STK3: variants seen among roughly 807,000 people sequenced by gnomAD.
STK3 encodes serine/threonine kinase 3, also known as serine/threonine-protein kinase 3.
STK3 carries 41 observed loss-of-function variants against 58.0 expected under a neutral mutation model. That is an observed-to-expected ratio of 0.71 (90% CI 0.55 to 0.92). STK3 has a LOEUF of 0.92. Ranked by LOEUF, STK3 falls within the 40% of genes least tolerant of loss-of-function variation. The pLI, the probability that STK3 is intolerant of heterozygous loss-of-function variation, is 0.00. For missense variants in STK3, 479 were observed against 602.7 expected (o/e 0.79, Z 2.15); for synonymous variants, 170 against 191.0 (o/e 0.89, Z 0.91).
At chr8:98,366,594 T>C (rs567242017), downstream of STK3, among the ~76,000 whole-genome samples, 1 of 152,368 alleles carries the variant, frequency 6.6e-6, no homozygotes, top group East Asian at 1.9e-4. Flanking sequence ...ACTTATTGAA[T>C]GGTTCAGTTT....
At chr8:98,904,738 G>A in intron 1 of STK3, 2 of 835,632 alleles carry the variant, frequency 2.4e-6, no homozygotes, top group Non-Finnish European at 3.9e-6. Flanking sequence ...CAACTGTGGG[G>A]AGCATGGCTG....
At chr8:98,858,086 A>G (rs994922459) in intron 3 of STK3, among the ~76,000 whole-genome samples, 1 of 151,644 alleles carries the variant, frequency 6.6e-6, no homozygotes, top group South Asian at 2.1e-4. Context: ...AATGAATTTT[A>G]AAAATATAAG....
intron 7 of STK3, among the ~76,000 whole-genome samples, chr8:98,586,497 G>C (rs1440135528): frequency 4.0e-5 from 6 of 149,648 alleles, no homozygotes. Flanking sequence ...GATTCGGTTT[G>C]CCAGTATTTT....
At chr8:98,404,252 G>A (rs4734404) in intron 3 of STK3, among the ~76,000 whole-genome samples, 21,895 of 152,154 alleles carry the variant, frequency 0.14, 2,644 homozygotes, top group East Asian at 0.41. Flanking sequence ...AAAGTTGACC[G>A]TGGGGCAGGT....
At chr8:98,585,119 T>A (rs1439761414) in intron 7 of STK3, among the ~76,000 whole-genome samples, 1 of 151,712 alleles carries the variant, frequency 6.6e-6, no homozygotes, top group Admixed American at 6.6e-5. Flanking sequence ...ATTTGTCAAT[T>A]TTGGCTTTTG....
chr8:98,837,788 T>C (rs1045031057), intron 3 of STK3, among the ~76,000 whole-genome samples: 7 of 152,066 alleles, frequency 4.6e-5, no homozygotes, highest in African/African-American at 1.7e-4. Flanking sequence ...AAAAGTCAAC[T>C]GGGCATGGTG....
chr8:98,883,514 GT>G, downstream of STK3: 2 of 582,412 alleles, frequency 3.4e-6, no homozygotes, highest in South Asian at 4.4e-5. Flanking sequence ...GAAGTCCTTT[GT>G]TTCCAAGTAA....
intron 2 of STK3, among the ~76,000 whole-genome samples, chr8:98,770,858 A>G (rs1438742799): frequency 6.6e-6 from 1 of 152,202 alleles, no homozygotes; most frequent in East Asian, 1.9e-4. Context: ...ATAATGAGTA[A>G]CAAAGCAAGG....
At chr8:98,432,263 G>C (rs1477564085) in intron 3 of STK3, 1 of 167,022 alleles carries the variant, frequency 6.0e-6, no homozygotes, top group Non-Finnish European at 1.5e-5. Flanking sequence ...TAGGGGGACA[G>C]AGTAGAAACT....
intron 2 of STK3, among the ~76,000 whole-genome samples, chr8:98,377,253 G>A (rs528572094): frequency 9.2e-5 from 14 of 152,080 alleles, no homozygotes; most frequent in Non-Finnish European, 1.8e-4. Flanking sequence ...CATCAACATT[G>A]CTATTTGTTA....
intron 8 of STK3, among the ~76,000 whole-genome samples, chr8:98,566,625 C>A (rs1812504515): frequency 6.6e-6 from 1 of 152,146 alleles, no homozygotes; most frequent in Non-Finnish European, 1.5e-5. Flanking sequence ...TTTCAATGGT[C>A]CAATGCTAAA....
intron 10 of STK3, among the ~76,000 whole-genome samples, chr8:98,517,402 C>T (rs1825014980): frequency 6.6e-6 from 1 of 152,000 alleles, no homozygotes; most frequent in Non-Finnish European, 1.5e-5. Flanking sequence ...GAAAAGGCTA[C>T]CAACCTAATG....
chr8:98,393,386 G>A (rs1387201473), intron 3 of STK3, among the ~76,000 whole-genome samples: 1 of 152,150 alleles, frequency 6.6e-6, no homozygotes, highest in Non-Finnish European at 1.5e-5. Context: ...TATGGCAATA[G>A]TCCTTCACTC....
chr8:98,529,448 C>A (rs10100378), intron 9 of STK3, among the ~76,000 whole-genome samples: 1 of 151,602 alleles, frequency 6.6e-6, no homozygotes, highest in East Asian at 1.9e-4. Context: ...ATTTATTCAT[C>A]AAAAGAATTC....
At chr8:98,720,645 G>A (rs934759012) in intron 4 of STK3, among the ~76,000 whole-genome samples, 3 of 151,922 alleles carry the variant, frequency 2.0e-5, no homozygotes, top group Admixed American at 2.0e-4. Flanking sequence ...CGGCTGCTCG[G>A]GAGGCTGAGG....
intron 1 of STK3, among the ~76,000 whole-genome samples, chr8:98,807,139 C>T (rs1240258949): frequency 2.4e-5 from 3 of 127,106 alleles, no homozygotes; most frequent in Non-Finnish European, 4.7e-5. Context: ...GGGCGACAAG[C>T]GAGACTCCGT....
chr8:98,745,461 C>G (rs1297413100), intron 4 of STK3, among the ~76,000 whole-genome samples: 1 of 152,082 alleles, frequency 6.6e-6, no homozygotes, highest in African/African-American at 2.4e-5. Context: ...ATTCAGACCA[C>G]TCTCCTGCTT....
intron 4 of STK3, among the ~76,000 whole-genome samples, chr8:98,716,653 T>A (rs1213228935): frequency 6.6e-6 from 1 of 152,106 alleles, no homozygotes; most frequent in Non-Finnish European, 1.5e-5. Flanking sequence ...CCCAATGATG[T>A]TTATTGCAGA....
In STK3 at chr8:98,644,907, C is replaced by T. The variant is rs549821189; in HGVS notation, c.685-48738G>A. On this transcript the variant is annotated intron_variant, in intron 6 of 10. Transcript: ENST00000419617. The stretch of plus-strand genomic sequence containing the variant: ...GCAATTCTATGAAAGTATGGCTCCA[C>T]GTATTCAGATGAGGAATATGTCTGT... 6.6e-5 allele frequency among the ~76,000 whole-genome samples: 10 copies of T among 152,156 alleles called. No homozygotes were observed. The South Asian group carries it at 1.0e-3, about 16-fold the overall frequency.
Sources: gnomAD v4.1 joint callset for allele counts (sites outside exome capture counted in the v4.1 genomes callset) on GRCh38, gnomAD v4.1.1 for gene constraint, MANE v1.5 for transcripts, NCBI Gene and HGNC (gene_info 2026-07-23, HGNC 2026-07-21) for gene names.